Variants in PAK1 observed in about 807,000 individuals in gnomAD.
PAK1 encodes the protein serine/threonine-protein kinase PAK 1.
Under a neutral mutation model 67.4 loss-of-function variants are expected in PAK1, and 29 were observed. The observed-to-expected ratio is 0.43, with a 90% confidence interval of 0.32 to 0.59. PAK1 has a LOEUF of 0.59. PAK1 is among the 20% of genes least tolerant of loss of function. PAK1 has a pLI of 0.07. For synonymous variants in PAK1, 223 were observed against 237.4 expected, an observed-to-expected ratio of 0.94 and a Z score of 0.56; for missense variants, 337 against 670.7, an observed-to-expected ratio of 0.50 and a Z score of 5.50.
the PAK1 span, among the ~76,000 whole-genome samples, chr11:77,496,720 G>T: frequency 6.6e-6 from 1 of 152,160 alleles, no homozygotes; most frequent in African/African-American, 2.4e-5. Context: ...ATCACTTGAG[G>T]TCAGGAGTTT....
intron 14 of PAK1, among the ~76,000 whole-genome samples, chr11:77,332,083 G>C (rs1303703382): frequency 6.6e-6 from 1 of 151,298 alleles, no homozygotes; most frequent in African/African-American, 2.4e-5. Flanking sequence ...TGCGCAGATC[G>C]CTTGAACCCA....
At chr11:77,499,123 C>A in the PAK1 span, among the ~76,000 whole-genome samples, 5 of 142,066 alleles carry the variant, frequency 3.5e-5, no homozygotes, top group African/African-American at 1.4e-4. Flanking sequence ...ATGAGTGATA[C>A]CCACTCACTA....
intron 1 of PAK1, among the ~76,000 whole-genome samples, chr11:77,427,544 A>C (rs1384185721): frequency 1.3e-5 from 2 of 152,190 alleles, no homozygotes; most frequent in Non-Finnish European, 2.9e-5. Context: ...GGGACCTGTG[A>C]ATGGACTTCA....
At chr11:77,441,233 G>C (rs916389707) in intron 1 of PAK1, among the ~76,000 whole-genome samples, 1 of 152,072 alleles carries the variant, frequency 6.6e-6, no homozygotes, top group Admixed American at 6.6e-5. Context: ...AGGAAAGAAG[G>C]TGAGGAAAAG....
At chr11:77,398,065 A>G (rs988861277) in intron 1 of PAK1, among the ~76,000 whole-genome samples, 2 of 152,252 alleles carry the variant, frequency 1.3e-5, no homozygotes, top group African/African-American at 4.8e-5. Flanking sequence ...TAATCATATC[A>G]TGGAGAATGG....
At chr11:77,520,001 G>GCC in the PAK1 span, among the ~76,000 whole-genome samples, 5 of 139,062 alleles carry the variant, frequency 3.6e-5, no homozygotes, top group African/African-American at 1.1e-4. Context: ...CCTGGCCTGT[G>GCC]GCCCCCCCCT....
intron 1 of PAK1, among the ~76,000 whole-genome samples, chr11:77,401,249 A>T (rs1952642857): frequency 6.6e-6 from 1 of 152,050 alleles, no homozygotes; most frequent in African/African-American, 2.4e-5. Flanking sequence ...TTGGCAGGGG[A>T]CTGGAATGCT....
chr11:77,333,474 A>G (rs1942106756), intron 13 of PAK1, among the ~76,000 whole-genome samples: 2 of 152,154 alleles, frequency 1.3e-5, no homozygotes, highest in South Asian at 4.1e-4. Flanking sequence ...CTGGGATTAC[A>G]GGCGTGAGTC....
At chr11:77,411,309 G>A (rs1954484387) in intron 1 of PAK1, among the ~76,000 whole-genome samples, 1 of 151,972 alleles carries the variant, frequency 6.6e-6, no homozygotes, top group Non-Finnish European at 1.5e-5. Context: ...GTCCTTCACT[G>A]CACAGATATG....
chr11:77,334,175 A>C (rs551759174), intron 13 of PAK1, among the ~76,000 whole-genome samples: 1 of 147,324 alleles, frequency 6.8e-6, no homozygotes, highest in East Asian at 1.9e-4. Context: ...TCTCAAAAAA[A>C]AAAATAAAAT....
chr11:77,371,570 C>T (rs1948430270), intron 5 of PAK1, among the ~76,000 whole-genome samples: 3 of 152,164 alleles, frequency 2.0e-5, no homozygotes, highest in Non-Finnish European at 4.4e-5. Context: ...GAGTGAGTCA[C>T]TTAATCTTTC....
At chr11:77,328,097 T>C (rs1405078986) in intron 14 of PAK1, among the ~76,000 whole-genome samples, 1 of 152,172 alleles carries the variant, frequency 6.6e-6, no homozygotes, top group African/African-American at 2.4e-5. Context: ...ATCCTAAATA[T>C]ATATGCACCC....
chr11:77,500,802 C>G, the PAK1 span, among the ~76,000 whole-genome samples: 2 of 152,122 alleles, frequency 1.3e-5, no homozygotes, highest in African/African-American at 4.8e-5. Context: ...TGTGTTCACA[C>G]CACTGCACTC....
intron 1 of PAK1, among the ~76,000 whole-genome samples, chr11:77,454,046 A>G (rs944285997): frequency 7.9e-5 from 12 of 152,254 alleles, no homozygotes; most frequent in African/African-American, 2.9e-4. Flanking sequence ...CCTAGGTGAC[A>G]GAGCGAGACC....
At chr11:77,401,680 T>C (rs189969437) in intron 1 of PAK1, among the ~76,000 whole-genome samples, 2 of 152,288 alleles carry the variant, frequency 1.3e-5, no homozygotes, top group East Asian at 1.9e-4. Flanking sequence ...CCAACTTGTC[T>C]GCCAAGCAAA....
At chr11:77,357,194 A>G (rs1385339067) in intron 6 of PAK1, among the ~76,000 whole-genome samples, 3 of 152,230 alleles carry the variant, frequency 2.0e-5, no homozygotes, top group Admixed American at 6.5e-5. Flanking sequence ...CATTGGCAAC[A>G]GTGGGACTCA....
At chr11:77,462,521 A>G (rs1957399214) in intron 1 of PAK1, among the ~76,000 whole-genome samples, 4 of 152,074 alleles carry the variant, frequency 2.6e-5, no homozygotes, top group Admixed American at 6.5e-5. Context: ...AGAAAATCAA[A>G]TAACAGTTCT....
chr11:77,349,124 C>CAAAAAA, intron 9 of PAK1, 115 bp downstream of exon 9: 2 of 510,690 alleles, frequency 3.9e-6, no homozygotes, highest in Non-Finnish European at 3.3e-6. Flanking sequence ...GACCCCATCC[C>CAAAAAA]AAAAAAAAAA....
chr11:77,439,702 G>A (rs781528671), intron 1 of PAK1, among the ~76,000 whole-genome samples: 38 of 152,302 alleles, frequency 2.5e-4, no homozygotes, highest in Non-Finnish European at 4.0e-4. Flanking sequence ...TTCACTTCCA[G>A]AGACATCATG....
Sources: allele counts gnomAD v4.1 joint callset (sites outside exome capture counted in the v4.1 genomes callset), GRCh38; gene constraint gnomAD v4.1.1; transcripts MANE v1.5; gene names NCBI Gene and HGNC (gene_info 2026-07-23, HGNC 2026-07-21).